Variants in SNX18 observed in about 807,000 individuals in gnomAD.
The protein encoded by SNX18 is sorting nexin 18.
A neutral mutation model predicts 48.7 loss-of-function variants in SNX18; 35 were observed. That is an observed-to-expected ratio of 0.72 (90% CI 0.55 to 0.95). SNX18 has a LOEUF of 0.95. Among genes scored for constraint, SNX18 ranks in the 40% least tolerant of loss-of-function variants. The pLI, the probability that SNX18 is intolerant of heterozygous loss-of-function variation, is 0.00. For synonymous variants in SNX18, 492 were observed against 384.7 expected (o/e 1.28, Z -3.26); for missense variants, 824 against 871.0 (o/e 0.95, Z 0.68).
At chr5:54,606,428 A>C in the SNX18 span, among the ~76,000 whole-genome samples, 1 of 152,092 alleles carries the variant, frequency 6.6e-6, no homozygotes, top group Non-Finnish European at 1.5e-5. Flanking sequence ...CATTTACCCA[A>C]CTTTTGGTCT....
the SNX18 span, among the ~76,000 whole-genome samples, chr5:54,601,208 C>T: frequency 6.9e-6 from 1 of 145,614 alleles, no homozygotes; most frequent in South Asian, 2.3e-4. Flanking sequence ...TATAAATATC[C>T]TGAAAATCAA....
At chr5:54,530,878 A>G (rs1272889434) in intron 1 of SNX18, among the ~76,000 whole-genome samples, 2 of 149,508 alleles carry the variant, frequency 1.3e-5, no homozygotes, top group African/African-American at 4.9e-5. Flanking sequence ...CGGCCTCCTG[A>G]GTAGCTGGGA....
chr5:54,569,216 G>T, the SNX18 span, among the ~76,000 whole-genome samples: 2 of 151,984 alleles, frequency 1.3e-5, no homozygotes, highest in Non-Finnish European at 2.9e-5. Context: ...TTATTGTAAA[G>T]AATTCAGAAA....
chr5:54,555,584 C>T, the SNX18 span, among the ~76,000 whole-genome samples: 1 of 151,820 alleles, frequency 6.6e-6, no homozygotes, highest in Non-Finnish European at 1.5e-5. Flanking sequence ...CCTGTAATCC[C>T]AGCGCTTTGG....
chr5:54,639,805 A>C, the SNX18 span, among the ~76,000 whole-genome samples: 1 of 142,548 alleles, frequency 7.0e-6, no homozygotes, highest in East Asian at 2.2e-4. Flanking sequence ...GATTTTCTGA[A>C]GGGGCCTCCT....
the SNX18 span, among the ~76,000 whole-genome samples, chr5:54,597,640 C>T: frequency 6.6e-6 from 1 of 152,110 alleles, no homozygotes; most frequent in African/African-American, 2.4e-5. Flanking sequence ...CTGAATGACT[C>T]CTTAGTAAAA....
At chr5:54,590,906 T>C in the SNX18 span, among the ~76,000 whole-genome samples, 1 of 152,136 alleles carries the variant, frequency 6.6e-6, no homozygotes, top group Non-Finnish European at 1.5e-5. Flanking sequence ...GCATGATGAG[T>C]AAATGTTCAT....
the SNX18 span, among the ~76,000 whole-genome samples, chr5:54,604,252 T>C: frequency 6.6e-6 from 1 of 152,304 alleles, no homozygotes; most frequent in Admixed American, 6.5e-5. Context: ...TACCATATGA[T>C]CTACCACTAG....
At chr5:54,540,256 G>A (rs1180871735) in intron 1 of SNX18, among the ~76,000 whole-genome samples, 1 of 150,404 alleles carries the variant, frequency 6.6e-6, no homozygotes, top group Admixed American at 6.6e-5. Context: ...CTGTCACCTA[G>A]CAGGCTGGAG....
chr5:54,578,263 C>T, the SNX18 span, among the ~76,000 whole-genome samples: 1 of 152,242 alleles, frequency 6.6e-6, no homozygotes, highest in African/African-American at 2.4e-5. Context: ...AGGGGAATTA[C>T]CTCTGGCGAA....
the SNX18 span, among the ~76,000 whole-genome samples, chr5:54,617,992 T>C: frequency 6.6e-6 from 1 of 152,146 alleles, no homozygotes; most frequent in African/African-American, 2.4e-5. Context: ...CATTCCAGGG[T>C]GACATAGTTT....
At chr5:54,593,123 C>T in the SNX18 span, among the ~76,000 whole-genome samples, 1 of 152,052 alleles carries the variant, frequency 6.6e-6, no homozygotes, top group Non-Finnish European at 1.5e-5. Context: ...TATTGATAGT[C>T]GGCTGCTCTA....
chr5:54,587,833 T>C, the SNX18 span, among the ~76,000 whole-genome samples: 1 of 152,308 alleles, frequency 6.6e-6, no homozygotes, highest in African/African-American at 2.4e-5. Flanking sequence ...ATCCCCAATA[T>C]TTTTTAAGGC....
the SNX18 span, among the ~76,000 whole-genome samples, chr5:54,588,789 AT>A: frequency 6.6e-6 from 1 of 152,194 alleles, no homozygotes; most frequent in Non-Finnish European, 1.5e-5. Flanking sequence ...TTGCAAAGGT[AT>A]GATATCATCA....
At chr5:54,558,596 T>C in the SNX18 span, among the ~76,000 whole-genome samples, 23 of 152,312 alleles carry the variant, frequency 1.5e-4, no homozygotes, top group African/African-American at 5.1e-4. Context: ...TGATATCATA[T>C]AAAAAGTCAT....
chr5:54,616,343 C>T, the SNX18 span, among the ~76,000 whole-genome samples: 1 of 152,168 alleles, frequency 6.6e-6, no homozygotes, highest in Non-Finnish European at 1.5e-5. Context: ...TACTGCTTCC[C>T]TATTTTCCAG....
chr5:54,586,370 G>A, the SNX18 span, among the ~76,000 whole-genome samples: 1 of 152,280 alleles, frequency 6.6e-6, no homozygotes, highest in Non-Finnish European at 1.5e-5. Context: ...GGACAGAGCA[G>A]AGCTGGCCAT....
chr5:54,597,424 C>A, the SNX18 span, among the ~76,000 whole-genome samples: 1 of 152,136 alleles, frequency 6.6e-6, no homozygotes, highest in African/African-American at 2.4e-5. Flanking sequence ...CTTTCCACCC[C>A]AGAAGGACAG....
chr5:54,527,414 T>C (rs1298147895), intron 1 of SNX18, among the ~76,000 whole-genome samples: 1 of 151,930 alleles, frequency 6.6e-6, no homozygotes, highest in East Asian at 1.9e-4. Context: ...CAGGTTTTCC[T>C]GAGAGATGGG....
Sources: gnomAD v4.1 joint callset for allele counts (sites outside exome capture counted in the v4.1 genomes callset) on GRCh38, gnomAD v4.1.1 for gene constraint, MANE v1.5 for transcripts, NCBI Gene and HGNC (gene_info 2026-07-23, HGNC 2026-07-21) for gene names.